Variants in VPS26B observed in about 807,000 individuals in gnomAD.
The protein encoded by VPS26B is VPS26 retromer complex component B, also known as vacuolar protein sorting-associated protein 26B.
In VPS26B, 10 loss-of-function variants were observed where a neutral mutation model predicts 33.3. The observed-to-expected ratio is 0.30, with a 90% CI of 0.19 to 0.51. The LOEUF (loss-of-function observed/expected upper bound fraction) is 0.51, where lower values mean the gene tolerates loss of function less well. VPS26B is among the 20% of genes least tolerant of loss of function. The probability of loss-of-function intolerance (pLI) is 0.98; values close to 1 mark genes in which losing one functional copy is unlikely to be tolerated. For missense variants in VPS26B, 317 were observed against 452.7 expected (o/e 0.70, Z 2.72); for synonymous variants, 190 against 176.9 (o/e 1.07, Z -0.59).
rs566628113 is a variant in VPS26B at position 134,239,383 on chromosome 11, T to A, written c.381-608T>A. Among the ~76,000 whole-genome samples the A allele has an allele frequency of 2.0e-5, 3 of 152,376 alleles. No individual in the cohort carries two copies. In the East Asian group the frequency reaches 5.8e-4, roughly 29 times the overall value. Reference sequence around the variant, plus strand: ...GTGAACTGTGAGCTTCCCATGAGACTGTATCTTATTCATCCTGTGCTTAGC... The same window carrying A: ...GTGAACTGTGAGCTTCCCATGAGACAGTATCTTATTCATCCTGTGCTTAGC... On this transcript the variant is annotated intron_variant, in intron 2 of 5. Coordinates refer to ENST00000281187, the MANE Select transcript of VPS26B (RefSeq NM_052875.5).
rs554600076 is a variant in VPS26B at position 134,242,922 on chromosome 11, G to T, written c.546-197G>T. Among the ~76,000 whole-genome samples, 17 of 152,336 alleles carry T rather than the reference G, an allele frequency of 1.1e-4. No individual in the cohort carries two copies. In the East Asian group the frequency reaches 2.7e-3, roughly 24 times the overall value. Reference sequence around the variant, plus strand: ...CGTCCTTTGCGTGGGATGTGGAAGGGACAGAAGCTACTTTAATCCAAGTAA... The same window carrying T: ...CGTCCTTTGCGTGGGATGTGGAAGGTACAGAAGCTACTTTAATCCAAGTAA... On this transcript the variant is annotated intron_variant, in intron 3 of 5. Transcript: ENST00000281187.
At chr11:134,235,223 T>C in intron 2 of VPS26B, 170 bp downstream of exon 2, 2 of 788,966 alleles carry the variant, frequency 2.5e-6, no homozygotes, top group Non-Finnish European at 3.9e-6. Flanking sequence ...AGGAGGAAAG[T>C]GGCCCTAGGT....
chr11:134,234,118 ACT>A (rs1211247681), intron 1 of VPS26B, among the ~76,000 whole-genome samples: 1 of 152,080 alleles, frequency 6.6e-6, no homozygotes, highest in Non-Finnish European at 1.5e-5. Context: ...TCTCTCAGTG[ACT>A]CTGGTGCACA....
At chr11:134,225,408 C>G (rs534431024) in intron 1 of VPS26B, 63 bp downstream of exon 1, 5 of 1,519,648 alleles carry the variant, frequency 3.3e-6, no homozygotes, top group South Asian at 1.1e-5. Flanking sequence ...CAGGGTGATT[C>G]AGGGCCCAGC....
At chr11:134,239,325 T>A (rs747141720) in intron 2 of VPS26B, among the ~76,000 whole-genome samples, 2 of 152,220 alleles carry the variant, frequency 1.3e-5, no homozygotes, top group Non-Finnish European at 2.9e-5. Context: ...CCTTTCCGTG[T>A]GTTCCCATTT....
chr11:134,239,960 T>G (rs1591882279), intron 2 of VPS26B, 31 bp from the exon 3 acceptor site: 2 of 1,613,390 alleles, frequency 1.2e-6, no homozygotes, highest in Non-Finnish European at 8.5e-7. Flanking sequence ...AGACTGGGAG[T>G]GTTTATTCAT....
In VPS26B at chr11:134,247,606, A is replaced by T. The variant is rs562507727; in HGVS notation, c.*2016A>T. 6.5e-5 allele frequency: 10 copies of T among 152,812 alleles called. No homozygotes were observed. The highest frequency in any genetic ancestry group is 2.4e-4 in the African/African-American group (10 of 41,554). 9.5% of individuals were successfully genotyped at this position (152,812 alleles called of 1,614,324 possible). A position where few individuals can be genotyped will look rare whatever the true frequency, so the allele number is the denominator to read the frequency against. On this transcript the variant is annotated 3_prime_UTR_variant, in exon 6 of 6. Transcript: ENST00000281187. ...CTGTCCCCCTCTCTTAAGGTCCCCA[A>T]ACCTGGGAGTGCATAGGTACTAAAT...
chr11:134,236,568 A>G (rs1013760229), intron 2 of VPS26B: 2 of 152,264 alleles, frequency 1.3e-5, no homozygotes, highest in African/African-American at 2.4e-5. Flanking sequence ...CCAAGTGTCC[A>G]TCAGTGGGTA....
rs1031612401 is a variant in VPS26B, at chr11:134,246,792, A to C, written c.*1202A>C. 7 of 152,254 alleles carry C rather than the reference A, an allele frequency of 4.6e-5. No individual in the cohort carries two copies. Among genetic ancestry groups the C allele is most frequent in the African/African-American group, 1.7e-4 (7 of 41,396 alleles). The allele number at this position is 152,254 out of a possible 1,614,324, so 9.4% of individuals were successfully genotyped here. A position where few individuals can be genotyped will look rare whatever the true frequency, so the allele number is the denominator to read the frequency against. Reference sequence around the variant, plus strand: ...GAATATTCTTGTTATGCTAGAGAGGAAGGTACTTCTCCCTCTACGGCTCTG... The same window carrying C: ...GAATATTCTTGTTATGCTAGAGAGGCAGGTACTTCTCCCTCTACGGCTCTG... On this transcript the variant is annotated 3_prime_UTR_variant, in exon 6 of 6. Transcript: ENST00000281187.
chr11:134,229,805 G>A (rs1938532181), intron 1 of VPS26B, among the ~76,000 whole-genome samples: 1 of 152,114 alleles, frequency 6.6e-6, no homozygotes, highest in African/African-American at 2.4e-5. Flanking sequence ...TTCTATCATT[G>A]TCAGTCCTTT....
chr11:134,232,248 A>G (rs1938566347), intron 1 of VPS26B, among the ~76,000 whole-genome samples: 1 of 152,186 alleles, frequency 6.6e-6, no homozygotes, highest in Non-Finnish European at 1.5e-5. Context: ...GAGGCTATTT[A>G]CAATCTCTTT....
Position 134,240,615 on chromosome 11 carries a change from AG to A in VPS26B, c.545+461del, listed in dbSNP as rs1938703493. ...TCCTCCCTGAACTAAAATGAATTATAGCAAAGAATATTGGATTTTTTTTTCA... is the reference window on the plus strand; with the variant it reads ...TCCTCCCTGAACTAAAATGAATTATACAAAGAATATTGGATTTTTTTTTCA... On this transcript the variant is annotated intron_variant, in intron 3 of 5. Transcript: ENST00000281187. This position sits in a 1 kb window ranked among gnomAD's most constrained non-coding sequence, Gnocchi z 4.4. Among the ~76,000 whole-genome samples the A allele has an allele frequency of 6.6e-6, 1 of 152,164 alleles. No homozygotes were observed. Among genetic ancestry groups the A allele is most frequent in the South Asian group, 2.1e-4 (1 of 4,830 alleles).
Position 134,240,078 on chromosome 11 carries a change from A to G in VPS26B, c.468A>G (p.Pro156=), listed in dbSNP as rs779032095. ...TAGTTCACACACTCAGCACATACCC[A>G]GAGCTGAACTCTTCCATCAAGATGG... ...DIVVHTLSTY[P]ELNSSIKMEV... Residue 156 remains proline (P), a synonymous_variant, in exon 3 of 6, where the codon CCA becomes CCG. Transcript: ENST00000281187. The surrounding 1 kb of genome is among the most constrained non-coding windows in gnomAD (Gnocchi z 4.4). 6.2e-7 allele frequency: 1 copy of G among 1,614,192 alleles called. No homozygotes were observed. Among genetic ancestry groups the G allele is most frequent in the Non-Finnish European group, 8.5e-7 (1 of 1,179,996 alleles).
At chr11:134,228,857 G>T (rs1938516773) in intron 1 of VPS26B, among the ~76,000 whole-genome samples, 1 of 152,136 alleles carries the variant, frequency 6.6e-6, no homozygotes, top group Non-Finnish European at 1.5e-5. Context: ...TGGAACTTCA[G>T]TCTGTTCTGA....
At chr11:134,237,983 A>C (rs1938657573) in intron 2 of VPS26B, among the ~76,000 whole-genome samples, 1 of 152,192 alleles carries the variant, frequency 6.6e-6, no homozygotes, top group Non-Finnish European at 1.5e-5. Flanking sequence ...TTTTTTAATA[A>C]GCTCAGAGGA....
chr11:134,244,673 CTAA>C lies in VPS26B; in HGVS notation c.722-260_722-258del. 2.6e-6 allele frequency: 1 copy of C among 389,970 alleles called. No homozygotes were observed. The highest frequency in any genetic ancestry group is 4.4e-5 in the East Asian group (1 of 22,668). 24.2% of individuals were successfully genotyped at this position (389,970 alleles called of 1,614,324 possible). On this transcript the variant is annotated intron_variant, in intron 4 of 5. Transcript: ENST00000281187. The surrounding 1 kb of genome is among the most constrained non-coding windows in gnomAD (Gnocchi z 4.0). Reference sequence around the variant, plus strand: ...TGCATGTAATCAAAAGATGCTTATACTAATAATGACCTGTGCTGTTCCCACTCA... The same window carrying C: ...TGCATGTAATCAAAAGATGCTTATACTAATGACCTGTGCTGTTCCCACTCA...
chr11:134,234,440 A>AAC (rs1938601835), intron 1 of VPS26B, among the ~76,000 whole-genome samples: 2 of 152,236 alleles, frequency 1.3e-5, no homozygotes, highest in Non-Finnish European at 2.9e-5. Flanking sequence ...CAGTCAGTTA[A>AAC]GCATGCTGTG....
rs1938775573 is a variant in VPS26B, at chr11:134,244,202, G to A, written c.722-736G>A. On this transcript the variant is annotated intron_variant, in intron 4 of 5. Transcript: ENST00000281187. The surrounding 1 kb of genome is among the most constrained non-coding windows in gnomAD (Gnocchi z 4.0). ...TCATTTTTCCTGTACAAATGAAATG[G>A]GTCACTGAGAATGCATGTAAAAGAG... The A allele has an allele frequency of 6.6e-6, 1 of 152,174 alleles. No homozygotes were observed. Among genetic ancestry groups the A allele is most frequent in the Non-Finnish European group, 1.5e-5 (1 of 68,028 alleles). 9.4% of individuals were successfully genotyped at this position (152,174 alleles called of 1,614,324 possible). A position where few individuals can be genotyped will look rare whatever the true frequency, so the allele number is the denominator to read the frequency against.
chr11:134,238,912 T>C (rs1262390267), intron 2 of VPS26B, among the ~76,000 whole-genome samples: 1 of 152,216 alleles, frequency 6.6e-6, no homozygotes, highest in Admixed American at 6.5e-5. Flanking sequence ...TATAACTTCA[T>C]CTGGTAATGC....
Sources: allele counts gnomAD v4.1 joint callset (sites outside exome capture counted in the v4.1 genomes callset), GRCh38; gene constraint gnomAD v4.1.1; non-coding constraint Gnocchi (gnomAD v3.1); transcripts MANE v1.5; gene names NCBI Gene and HGNC (gene_info 2026-07-23, HGNC 2026-07-21).